SHISA9: variants seen among roughly 807,000 people sequenced by gnomAD.
SHISA9 encodes the protein shisa family member 9, also known as protein shisa-9.
SHISA9 carries 13 observed loss-of-function variants against 38.0 expected under a neutral mutation model. The ratio of observed to expected loss-of-function variants is 0.34; its 90% CI spans 0.22 to 0.54. The LOEUF (loss-of-function observed/expected upper bound fraction) is 0.54, where lower values mean the gene tolerates loss of function less well. Ranked by LOEUF, SHISA9 falls within the 20% of genes least tolerant of loss-of-function variation. The probability of loss-of-function intolerance (pLI) is 0.91; values close to 1 mark genes in which losing one functional copy is unlikely to be tolerated. For synonymous variants in SHISA9, 275 were observed against 242.0 expected (o/e 1.14, Z -1.27); for missense variants, 538 against 575.8 (o/e 0.93, Z 0.67).
chr16:13,284,184 G>A, the SHISA9 span, among the ~76,000 whole-genome samples: 1 of 152,150 alleles, frequency 6.6e-6, no homozygotes, highest in African/African-American at 2.4e-5. Flanking sequence ...CATCACACTG[G>A]AGAAATTTTC....
At chr16:13,252,655 T>C in the SHISA9 span, among the ~76,000 whole-genome samples, 6 of 152,198 alleles carry the variant, frequency 3.9e-5, no homozygotes. Flanking sequence ...TTCTCTATTA[T>C]TTTCTTATTG....
chr16:13,064,644 A>G (rs1023665702), intron 2 of SHISA9, among the ~76,000 whole-genome samples: 2 of 152,158 alleles, frequency 1.3e-5, no homozygotes, highest in African/African-American at 2.4e-5. Context: ...AGTTTGCATT[A>G]CAAATCTACC....
At chr16:13,262,297 C>T in the SHISA9 span, among the ~76,000 whole-genome samples, 2 of 152,242 alleles carry the variant, frequency 1.3e-5, no homozygotes, top group Admixed American at 1.3e-4. Context: ...TGCAGTGCAG[C>T]TAGGCTGTCT....
At chr16:13,455,831 A>C in the SHISA9 span, among the ~76,000 whole-genome samples, 1 of 152,140 alleles carries the variant, frequency 6.6e-6, no homozygotes, top group Non-Finnish European at 1.5e-5. Context: ...GAAGAAATGA[A>C]GGGAAGTTGA....
At chr16:13,292,934 G>C in the SHISA9 span, among the ~76,000 whole-genome samples, 1 of 152,214 alleles carries the variant, frequency 6.6e-6, no homozygotes, top group South Asian at 2.1e-4. Flanking sequence ...AACCAGTATT[G>C]ATCCCCATTC....
intron 2 of SHISA9, among the ~76,000 whole-genome samples, chr16:13,038,915 A>G (rs2073103646): frequency 6.6e-6 from 1 of 152,046 alleles, no homozygotes; most frequent in East Asian, 1.9e-4. Context: ...AATTCCCAAT[A>G]TTATTATTTT....
chr16:13,240,796 C>A (rs919723472), downstream of SHISA9, among the ~76,000 whole-genome samples: 1 of 152,134 alleles, frequency 6.6e-6, no homozygotes, highest in Non-Finnish European at 1.5e-5. Flanking sequence ...ATGGAAGATT[C>A]GATTCTTCCC....
At chr16:13,018,029 C>G (rs1038343129) in intron 2 of SHISA9, among the ~76,000 whole-genome samples, 25 of 152,228 alleles carry the variant, frequency 1.6e-4, no homozygotes, top group Non-Finnish European at 3.5e-4. Flanking sequence ...ACAACCAAGA[C>G]CATTCACTCT....
the SHISA9 span, among the ~76,000 whole-genome samples, chr16:13,422,126 C>T: frequency 6.6e-6 from 1 of 152,184 alleles, no homozygotes; most frequent in Non-Finnish European, 1.5e-5. Flanking sequence ...ACACAGGTCA[C>T]CTCCAAGGAC....
At chr16:12,913,729 G>T (rs1165062066) in intron 1 of SHISA9, among the ~76,000 whole-genome samples, 2 of 152,136 alleles carry the variant, frequency 1.3e-5, no homozygotes, top group African/African-American at 2.4e-5. Context: ...GGATTTGCCT[G>T]TTCTGGACAT....
chr16:13,276,491 C>T, the SHISA9 span, among the ~76,000 whole-genome samples: 2 of 152,212 alleles, frequency 1.3e-5, no homozygotes, highest in African/African-American at 4.8e-5. Flanking sequence ...GTAATCTCCA[C>T]ACTGTTTTCC....
chr16:13,506,513 C>T, the SHISA9 span, among the ~76,000 whole-genome samples: 1 of 152,110 alleles, frequency 6.6e-6, no homozygotes, highest in Non-Finnish European at 1.5e-5. Context: ...ACGACGGTTG[C>T]ATGGAAAAGA....
At chr16:13,444,746 A>G in the SHISA9 span, among the ~76,000 whole-genome samples, 1 of 150,740 alleles carries the variant, frequency 6.6e-6, no homozygotes, top group Non-Finnish European at 1.5e-5. Flanking sequence ...TCCTCCAGAA[A>G]GACTCCCAGA....
At chr16:13,343,095 T>C in the SHISA9 span, among the ~76,000 whole-genome samples, 1 of 152,216 alleles carries the variant, frequency 6.6e-6, no homozygotes, top group Admixed American at 6.5e-5. Flanking sequence ...GTTGTTAATA[T>C]GATTATTTTT....
the SHISA9 span, among the ~76,000 whole-genome samples, chr16:13,480,553 C>T: frequency 6.6e-6 from 1 of 152,170 alleles, no homozygotes; most frequent in Non-Finnish European, 1.5e-5. Flanking sequence ...GGCAACCCCA[C>T]TTCCATTTTT....
chr16:12,967,372 A>G (rs1473830741), intron 2 of SHISA9, among the ~76,000 whole-genome samples: 1 of 152,160 alleles, frequency 6.6e-6, no homozygotes, highest in Admixed American at 6.5e-5. Flanking sequence ...GAACACATGG[A>G]CACAGGAAGG....
chr16:13,390,755 C>T, the SHISA9 span, among the ~76,000 whole-genome samples: 1 of 152,274 alleles, frequency 6.6e-6, no homozygotes, highest in South Asian at 2.1e-4. Context: ...GATCAGCACG[C>T]TGGGTGACAC....
At chr16:13,350,464 C>G in the SHISA9 span, 1 of 152,218 alleles carries the variant, frequency 6.6e-6, no homozygotes, top group African/African-American at 2.4e-5. Flanking sequence ...TATCTTTCTC[C>G]TTCTACATAT....
intron 4 of SHISA9, among the ~76,000 whole-genome samples, chr16:13,219,331 G>T (rs2051200516): frequency 6.6e-6 from 1 of 152,162 alleles, no homozygotes; most frequent in South Asian, 2.1e-4. Context: ...ATTATTAAAT[G>T]AAACTGGGCA....
Sources: allele counts gnomAD v4.1 joint callset (sites outside exome capture counted in the v4.1 genomes callset), GRCh38; gene constraint gnomAD v4.1.1; transcripts MANE v1.5; gene names NCBI Gene and HGNC (gene_info 2026-07-23, HGNC 2026-07-21).